Variants in SHROOM2 observed in about 807,000 individuals in gnomAD.
SHROOM2 encodes shroom family member 2, also known as protein Shroom2.
SHROOM2 carries 33 observed loss-of-function variants against 75.9 expected under a neutral mutation model. That is an observed-to-expected ratio of 0.43 (90% confidence interval 0.33 to 0.58). SHROOM2 has a LOEUF of 0.58. Among genes scored for constraint, SHROOM2 ranks in the 20% least tolerant of loss-of-function variants. The pLI is 0.04. For synonymous variants in SHROOM2, 655 were observed against 663.6 expected (o/e 0.99, Z 0.20); for missense variants, 1,434 against 1,461.2 (o/e 0.98, Z 0.30).
intron 5 of SHROOM2, among the ~76,000 whole-genome samples, chrX:9,911,669 G>A (rs1403562091): frequency 9.0e-6 from 1 of 111,389 alleles, no homozygotes; most frequent in Non-Finnish European, 1.9e-5. Context: ...GGTTAATTGG[G>A]AAAGTCAGGT....
At chrX:9,839,590 G>T (rs1395411123) in intron 1 of SHROOM2, among the ~76,000 whole-genome samples, 1 of 111,260 alleles carries the variant, frequency 9.0e-6, no homozygotes, top group Non-Finnish European at 1.9e-5. Context: ...ACATTTTCTG[G>T]ACTTGTATGT....
chrX:9,876,014 A>G (rs2084199228), intron 2 of SHROOM2, among the ~76,000 whole-genome samples: 1 of 112,346 alleles, frequency 8.9e-6, no homozygotes, highest in African/African-American at 3.2e-5. Flanking sequence ...GGTTTCACTG[A>G]GTAGGTACTT....
rs375147235 is a variant in SHROOM2 at position 9,895,270 on chromosome X, C to T, written c.1362C>T (p.Asn454=). ...AGCCAGGGGCTGCCAGCTTCCAGAA[C>T]GACAGCCCTCCTCAGGTGAGGGGGC... is the stretch of plus-strand genomic sequence containing the variant. ...GQEPGAASFQ[N]DSPPQVRGLS... Residue 454 remains asparagine, a synonymous_variant, in exon 4 of 10, where the codon AAC becomes AAT. Coordinates refer to ENST00000380913, the MANE Select transcript of SHROOM2 (RefSeq NM_001649.4). 17 of 1,184,756 alleles carry T rather than the reference C, an allele frequency of 1.4e-5. No individual in the cohort carries two copies. The highest frequency in any genetic ancestry group is 7.6e-5 in the South Asian group (4 of 52,496).
chrX:9,902,330 C>T (rs1205068809), intron 5 of SHROOM2, among the ~76,000 whole-genome samples: 2 of 108,264 alleles, frequency 1.8e-5, no homozygotes, highest in Non-Finnish European at 3.8e-5. Flanking sequence ...TGGATGGATA[C>T]ATGGGTGCAT....
At chrX:9,807,921 C>G (rs2083764280) in intron 1 of SHROOM2, among the ~76,000 whole-genome samples, 1 of 111,233 alleles carries the variant, frequency 9.0e-6, no homozygotes, top group South Asian at 3.8e-4. Flanking sequence ...GGGCGTGGTT[C>G]AGCAGGAAAA....
chrX:9,882,888 G>A (rs191221081), intron 2 of SHROOM2, among the ~76,000 whole-genome samples: 402 of 112,283 alleles, frequency 3.6e-3, no homozygotes, highest in Non-Finnish European at 5.2e-3. Context: ...TTTAAAAGCA[G>A]GAACTACTTG....
At chrX:9,830,584 CTTTTTTTTTTTTTTTTTTT>C (rs1166769024) in intron 1 of SHROOM2, among the ~76,000 whole-genome samples, 12 of 33,649 alleles carry the variant, frequency 3.6e-4, no homozygotes, top group African/African-American at 8.4e-4. Flanking sequence ...CCCCTGGTTT[CTTTTTTTTTTTTTTTTTTT>C]TTTTTTTTTT....
At chrX:9,934,227 G>T (rs1419002242) in intron 6 of SHROOM2, among the ~76,000 whole-genome samples, 1 of 112,012 alleles carries the variant, frequency 8.9e-6, no homozygotes, top group Non-Finnish European at 1.9e-5. Flanking sequence ...GTGGCGGGTG[G>T]CTGCCGTCCT....
At chrX:9,930,517 A>G (rs1389018666) in intron 5 of SHROOM2, among the ~76,000 whole-genome samples, 1 of 102,565 alleles carries the variant, frequency 9.7e-6, no homozygotes, top group Admixed American at 1.0e-4. Context: ...AAAAAAAAAA[A>G]AAGAAAAGAA....
intron 5 of SHROOM2, among the ~76,000 whole-genome samples, chrX:9,899,828 A>G (rs1476013369): frequency 8.9e-6 from 1 of 112,592 alleles, no homozygotes; most frequent in Non-Finnish European, 1.9e-5. Context: ...TCTGTTTTCC[A>G]AGCCAGCTCC....
Position 9,851,446 on chromosome X carries a change from C to CTTTTTTTT in SHROOM2, c.166-22201_166-22194dup, listed in dbSNP as rs746715538. Among the ~76,000 whole-genome samples, 30 of 63,177 alleles carry CTTTTTTTT rather than the reference C, an allele frequency of 4.7e-4. 4 individuals carry two copies. The highest frequency in any genetic ancestry group is 8.3e-4 in the Admixed American group (3 of 3,594). The allele number at this position is 63,177 out of a possible 115,157, so 54.9% of individuals were successfully genotyped here. A position where few individuals can be genotyped will look rare whatever the true frequency, so the allele number is the denominator to read the frequency against. On this transcript the variant is annotated intron_variant, in intron 1 of 9. Coordinates refer to ENST00000380913, the MANE Select transcript of SHROOM2 (RefSeq NM_001649.4). ...TAACAATGTTTCAACCAGGATATTG[C>CTTTTTTTT]TTTTTTTTTTTTCTTTTTTTTTTGG...
At position 9,947,158 on chromosome X, in the gene SHROOM2, TAA is replaced by T; in HGVS notation, c.*222_*223del. The T allele has an allele frequency of 4.8e-6, 2 of 415,410 alleles. No individual in the cohort carries two copies. The highest frequency in any genetic ancestry group is 4.1e-6 in the Non-Finnish European group (1 of 242,391). The allele number at this position is 415,410 out of a possible 1,213,427, so 34.2% of individuals were successfully genotyped here. A position where few individuals can be genotyped will look rare whatever the true frequency, so the allele number is the denominator to read the frequency against. ...GCTGAGAGCCATTTTCCTTTACACA[TAA>T]CTACACCTGACACCAGGCTCTGCTG... On this transcript the variant is annotated 3_prime_UTR_variant, in exon 10 of 10. Transcript: ENST00000380913.
rs749085204 is a variant in SHROOM2 at position 9,944,652 on chromosome X, C to G, written c.4323C>G (p.Ile1441Met). The change falls in exon 9 of 10, where the codon ATC becomes ATG. Residue 1441 changes from isoleucine (I) to methionine (M), a missense_variant. By Grantham distance (10) the Ile-to-Met change is conservative (BLOSUM62 1). This residue lies in a region of SHROOM2 where 1,340 missense variants were observed against 1,338.3 expected (regional missense o/e 1.00). Transcript: ENST00000380913. ...HDLSVKKQEL[I>M]ESISRKLQVL... ...CCCGTGCCCAACAGCAGGAGCTCAT[C>G]GAGAGCATCAGCCGCAAGCTGCAGG... The G allele has an allele frequency of 1.7e-6, 2 of 1,206,801 alleles. No individual in the cohort carries two copies. Among genetic ancestry groups the G allele is most frequent in the South Asian group, 1.8e-5 (1 of 56,285 alleles).
rs1297693182 is a variant in SHROOM2, at chrX:9,787,450, A to G, written c.165+740A>G. Among the ~76,000 whole-genome samples the G allele has an allele frequency of 5.3e-5, 6 of 112,797 alleles. No homozygotes were observed. The East Asian group carries it at 1.7e-3, about 31-fold the overall frequency. On this transcript the variant is annotated intron_variant, in intron 1 of 9. Transcript: ENST00000380913. Reference sequence around the variant, plus strand: ...TATGAACTTGTAAAAGCAAACACATAAACAACAGTCCAGTCACCCTGTGTT... The same window carrying G: ...TATGAACTTGTAAAAGCAAACACATGAACAACAGTCCAGTCACCCTGTGTT...
Position 9,948,200 on chromosome X carries a change from C to A in SHROOM2, c.*1263C>A, listed in dbSNP as rs1468590655. ...AGCAGGCAAAAGACTTGAATAGACA[C>A]TTCACCAAAGAGCATACACGCGTGG... On this transcript the variant is annotated 3_prime_UTR_variant, in exon 10 of 10. Coordinates refer to ENST00000380913, the MANE Select transcript of SHROOM2 (RefSeq NM_001649.4). 8.9e-6 allele frequency: 1 copy of A among 112,562 alleles called. No homozygotes were observed. The highest frequency in any genetic ancestry group is 1.9e-5 in the Non-Finnish European group (1 of 53,366). The allele number at this position is 112,562 out of a possible 1,213,427, so 9.3% of individuals were successfully genotyped here.
At chrX:9,830,584 CTTTTTTTTTTTTTTTTTTTTTTTT>C (rs1166769024) in intron 1 of SHROOM2, among the ~76,000 whole-genome samples, 4 of 33,642 alleles carry the variant, frequency 1.2e-4, no homozygotes, top group African/African-American at 1.2e-4. Flanking sequence ...CCCCTGGTTT[CTTTTTTTTTTTTTTTTTTTTTTTT>C]TTTTTTTTTT....
In SHROOM2 at chrX:9,794,439, G is replaced by A. The variant is rs746310368; in HGVS notation, c.165+7729G>A. On this transcript the variant is annotated intron_variant, in intron 1 of 9. Transcript: ENST00000380913. ...GGCTGGAGTGCAATGGCGAGATCTC[G>A]GCTCACTGCAACCTCCGCCTCCCAG... Among the ~76,000 whole-genome samples, 438 of 110,908 alleles carry A rather than the reference G, an allele frequency of 3.9e-3. 1 individual carries two copies. The highest frequency in any genetic ancestry group is 5.2e-3 in the Non-Finnish European group (275 of 52,885).
intron 1 of SHROOM2, among the ~76,000 whole-genome samples, chrX:9,836,158 G>A (rs1035982891): frequency 8.0e-5 from 9 of 112,238 alleles, no homozygotes; most frequent in African/African-American, 2.6e-4. Context: ...CAAGGCAGCC[G>A]TCTTTGCACG....
At chrX:9,816,083 T>G (rs2083819924) in intron 1 of SHROOM2, among the ~76,000 whole-genome samples, 1 of 112,665 alleles carries the variant, frequency 8.9e-6, no homozygotes, top group Middle Eastern at 4.6e-3. Context: ...AGTATAATGT[T>G]TGGAGATTCA....
Sources: gnomAD v4.1 joint callset for allele counts (sites outside exome capture counted in the v4.1 genomes callset) on GRCh38, gnomAD v4.1.1 for gene constraint, gnomAD v4.1.1 regional missense constraint, MANE v1.5 for transcripts, NCBI Gene and HGNC (gene_info 2026-07-23, HGNC 2026-07-21) for gene names.